Variants in TAF1 observed in about 807,000 individuals in gnomAD.
TAF1 encodes the protein TATA-box binding protein associated factor 1, also known as transcription initiation factor TFIID subunit 1.
A neutral mutation model predicts 138.5 loss-of-function variants in TAF1; 2 were observed. The ratio of observed to expected loss-of-function variants is 0.01; its 90% CI spans 0.01 to 0.05. The LOEUF (loss-of-function observed/expected upper bound fraction) is 0.05. Among genes scored for constraint, TAF1 ranks in the 10% least tolerant of loss-of-function variants. The pLI, the probability that TAF1 is intolerant of heterozygous loss-of-function variation, is 1.00. For missense variants in TAF1, 709 were observed against 1,478.0 expected (o/e 0.48, Z 8.53); for synonymous variants, 437 against 503.2 (o/e 0.87, Z 1.76).
intron 28 of TAF1, among the ~76,000 whole-genome samples, chrX:71,413,552 T>C (rs1281891592): frequency 8.9e-6 from 1 of 111,980 alleles, no homozygotes; most frequent in Non-Finnish European, 1.9e-5. Context: ...TTTCCAGAAA[T>C]ACTTTCTCGA....
intron 37 of TAF1, among the ~76,000 whole-genome samples, chrX:71,462,294 CCAGCCGGGCGCGGTGGCTCATGCCTA>C (rs202194821): frequency 0.027 from 2,979 of 111,652 alleles, 55 homozygotes; most frequent in East Asian, 0.096. Flanking sequence ...AAAATAACTT[CCAGCCGGGCGCGGTGGCTCATGCCTA>C]AAATCCCAGC....
chrX:71,483,525 T>C (rs1284714683), intron 13 of TAF1, among the ~76,000 whole-genome samples: 4 of 106,266 alleles, frequency 3.8e-5, no homozygotes, highest in Non-Finnish European at 7.7e-5. Flanking sequence ...AGGTTGAGGC[T>C]GCAGTGAGCC....
At position 71,368,094 on chromosome X, in the gene TAF1, C is replaced by T. The variant is rs762666695; in HGVS notation, c.276C>T (p.Asp92=). 8.3e-7 allele frequency: 1 copy of T among 1,210,427 alleles called. No individual in the cohort carries two copies. Among genetic ancestry groups the T allele is most frequent in the Non-Finnish European group, 1.1e-6 (1 of 895,357 alleles). ...RSTEDAVDYS[D]INEVAEDESR... ...CAGAAGATGCTGTGGACTATTCAGACATCAATGAGGTGGCAGAAGATGAAA... is the reference window on the plus strand; with the variant it reads ...CAGAAGATGCTGTGGACTATTCAGATATCAATGAGGTGGCAGAAGATGAAA... Residue 92 remains aspartate (D), a synonymous_variant, in exon 3 of 38, where the codon GAC becomes GAT. Transcript: ENST00000423759.
chrX:71,376,784 G>A (rs1049805000), intron 4 of TAF1, among the ~76,000 whole-genome samples, 166 bp from the exon 5 acceptor site: 1 of 111,611 alleles, frequency 9.0e-6, no homozygotes, highest in Admixed American at 9.6e-5. Context: ...GGGAGATAAC[G>A]AGTTAGAATG....
At chrX:71,383,600 A>G (rs905510212) in intron 12 of TAF1, among the ~76,000 whole-genome samples, 1 of 111,921 alleles carries the variant, frequency 8.9e-6, no homozygotes, top group Non-Finnish European at 1.9e-5. Flanking sequence ...TATAGTTTAA[A>G]TCACCTCTAG....
At chrX:71,515,599 G>T (rs1383764415) in intron 13 of TAF1, among the ~76,000 whole-genome samples, 1 of 111,436 alleles carries the variant, frequency 9.0e-6, no homozygotes, top group African/African-American at 3.3e-5. Flanking sequence ...GTGACAAATT[G>T]AAAGGGCTAA....
Position 71,370,440 on chromosome X carries a change from G to A in TAF1, c.352+2270G>A, listed in dbSNP as rs150307734. On this transcript the variant is annotated intron_variant, in intron 3 of 37. Coordinates refer to ENST00000423759, the MANE Select transcript of TAF1 (RefSeq NM_004606.5). ...CAGCTCACTGCAACTTCCACCTACC[G>A]GGTTCAAGTGATTCTTCCACCTCAG... Among the ~76,000 whole-genome samples the A allele has an allele frequency of 6.9e-3, 771 of 111,076 alleles. 10 individuals are homozygous for A. Among genetic ancestry groups the A allele is most frequent in the African/African-American group, 0.024 (728 of 30,558 alleles).
chrX:71,496,374 G>C (rs1009896875), intron 13 of TAF1, among the ~76,000 whole-genome samples: 1 of 112,338 alleles, frequency 8.9e-6, no homozygotes, highest in African/African-American at 3.2e-5. Flanking sequence ...TTGGAGTGTT[G>C]TAGGGTCATG....
intron 8 of TAF1, among the ~76,000 whole-genome samples, chrX:71,381,184 CCTT>C (rs1317653888): frequency 1.8e-5 from 2 of 112,455 alleles, no homozygotes; most frequent in African/African-American, 3.2e-5. Context: ...TTAACCAATT[CCTT>C]CTTAAACATT....
At chrX:71,498,059 G>A (rs1236558483) in intron 13 of TAF1, among the ~76,000 whole-genome samples, 4 of 111,763 alleles carry the variant, frequency 3.6e-5, no homozygotes, top group African/African-American at 1.3e-4. Flanking sequence ...GTAGCCTGCT[G>A]GCATGACGCT....
intron 18 of TAF1, among the ~76,000 whole-genome samples, chrX:71,391,708 C>T (rs1163089219): frequency 9.6e-6 from 1 of 104,011 alleles, no homozygotes; most frequent in African/African-American, 3.6e-5. Flanking sequence ...CTGACTGCAA[C>T]CTCTGCCTGC....
intron 28 of TAF1, among the ~76,000 whole-genome samples, chrX:71,411,755 T>TTTTG (rs926116347): frequency 6.2e-5 from 7 of 112,221 alleles, no homozygotes; most frequent in Non-Finnish European, 1.3e-4. Context: ...TGGTCAGGTT[T>TTTTG]TTTGTTTGTT....
intron 28 of TAF1, among the ~76,000 whole-genome samples, chrX:71,417,019 CAAAA>C (rs1277682886): frequency 3.5e-5 from 2 of 57,696 alleles, no homozygotes. Context: ...GACCCTGTCT[CAAAA>C]AAAAAAAAAA....
intron 37 of TAF1, among the ~76,000 whole-genome samples, chrX:71,462,014 A>G (rs1160650732): frequency 8.9e-6 from 1 of 111,941 alleles, no homozygotes; most frequent in Non-Finnish European, 1.9e-5. Flanking sequence ...CACAGGCATG[A>G]AACGCTTTCA....
At chrX:71,511,860 C>A (rs1393877417) in intron 13 of TAF1, among the ~76,000 whole-genome samples, 1 of 110,266 alleles carries the variant, frequency 9.1e-6, no homozygotes, top group East Asian at 2.8e-4. Context: ...TACTAAAATT[C>A]AAAAAATTAG....
At chrX:71,380,166 G>T (rs1191278913) in intron 8 of TAF1, among the ~76,000 whole-genome samples, 2 of 110,944 alleles carry the variant, frequency 1.8e-5, no homozygotes, top group African/African-American at 6.6e-5. Context: ...ATTTCCGTAT[G>T]TACAGTTTTG....
At chrX:71,416,736 A>T (rs1208804881) in intron 28 of TAF1, 1 of 298,612 alleles carries the variant, frequency 3.3e-6, no homozygotes, top group Non-Finnish European at 6.3e-6. Flanking sequence ...TTCCCCTCTG[A>T]ATTCCTACAA....
At position 71,439,964 on chromosome X, in the gene TAF1, C is replaced by T. The variant is rs2037329434; in HGVS notation, c.4754-14206C>T. Among the ~76,000 whole-genome samples, 5 of 111,320 alleles carry T rather than the reference C, an allele frequency of 4.5e-5. No individual in the cohort carries two copies. The Admixed American group carries it at 4.8e-4, about 11-fold the overall frequency. On this transcript the variant is annotated intron_variant, in intron 32 of 37. Transcript: ENST00000423759. ...ACTTAGTTTTCACCATTTTAAAAAT[C>T]TATTCATTTGTGCATAAGTGTGTGC... is the stretch of plus-strand genomic sequence containing the variant.
At chrX:71,399,253 C>CTTT (rs1159549890) in intron 24 of TAF1, among the ~76,000 whole-genome samples, 8 of 70,344 alleles carry the variant, frequency 1.1e-4, no homozygotes, top group Admixed American at 3.4e-4. Context: ...CATTTATTCT[C>CTTT]TTTTTTTTTT....
Sources: gnomAD v4.1 joint callset for allele counts (sites outside exome capture counted in the v4.1 genomes callset) on GRCh38, gnomAD v4.1.1 for gene constraint, MANE v1.5 for transcripts, NCBI Gene and HGNC (gene_info 2026-07-23, HGNC 2026-07-21) for gene names.